The following ARHGEF3 variants were observed in gnomAD, a reference collection of about 807,000 sequenced individuals.
The protein encoded by ARHGEF3 is 59.8 kDA protein.
Under a neutral mutation model 63.2 loss-of-function variants are expected in ARHGEF3, and 28 were observed. The ratio of observed to expected loss-of-function variants is 0.44; its 90% CI spans 0.33 to 0.61. The LOEUF (loss-of-function observed/expected upper bound fraction) is 0.61, where lower values mean the gene tolerates loss of function less well. Ranked by LOEUF, ARHGEF3 falls within the 20% of genes least tolerant of loss-of-function variation. ARHGEF3 has a pLI of 0.03. For missense variants in ARHGEF3, 533 were observed against 659.3 expected (o/e 0.81, Z 2.10); for synonymous variants, 266 against 254.2 (o/e 1.05, Z -0.44).
At chr3:56,944,248 G>A (rs1347015822) in intron 3 of ARHGEF3, among the ~76,000 whole-genome samples, 1 of 152,126 alleles carries the variant, frequency 6.6e-6, no homozygotes, top group Non-Finnish European at 1.5e-5. Flanking sequence ...GTTTCCTCTG[G>A]TGGCTGTGGG....
At chr3:56,899,596 A>G (rs979481900) in intron 3 of ARHGEF3, among the ~76,000 whole-genome samples, 1 of 152,274 alleles carries the variant, frequency 6.6e-6, no homozygotes, top group African/African-American at 2.4e-5. Context: ...TCCATTAAAT[A>G]TAAATATGAA....
chr3:57,030,549 G>C (rs1703689573), intron 2 of ARHGEF3, among the ~76,000 whole-genome samples: 1 of 152,166 alleles, frequency 6.6e-6, no homozygotes, highest in Non-Finnish European at 1.5e-5. Context: ...TCCAGCATAA[G>C]TGAAGTCCTT....
At chr3:56,918,125 C>G (rs2042032145) in intron 3 of ARHGEF3, among the ~76,000 whole-genome samples, 1 of 152,148 alleles carries the variant, frequency 6.6e-6, no homozygotes, top group African/African-American at 2.4e-5. Flanking sequence ...AGGAAGGGTC[C>G]TAAATTTGAA....
chr3:56,779,532 G>A (rs562776104), intron 1 of ARHGEF3, among the ~76,000 whole-genome samples: 40 of 151,176 alleles, frequency 2.6e-4, no homozygotes, highest in Non-Finnish European at 4.0e-4. Flanking sequence ...TCGCTCTGTC[G>A]CGCAGGCTGG....
At chr3:56,779,523 C>T (rs1248480022) in intron 1 of ARHGEF3, among the ~76,000 whole-genome samples, 5 of 151,624 alleles carry the variant, frequency 3.3e-5, no homozygotes, top group Non-Finnish European at 7.4e-5. Flanking sequence ...GACGGAGTCT[C>T]GCTCTGTCGC....
intron 4 of ARHGEF3, chr3:56,882,175 A>G (rs553125689): frequency 9.9e-7 from 1 of 1,009,488 alleles, no homozygotes; most frequent in African/African-American, 1.6e-5. Context: ...CCAGGTCACA[A>G]CTTCCATAGT....
At chr3:57,041,421 T>C (rs924240200) in intron 1 of ARHGEF3, among the ~76,000 whole-genome samples, 9 of 152,138 alleles carry the variant, frequency 5.9e-5, no homozygotes, top group Admixed American at 2.0e-4. Context: ...ACACACACCA[T>C]CTGATTCCAG....
intron 2 of ARHGEF3, among the ~76,000 whole-genome samples, chr3:56,769,303 C>A (rs1377422241): frequency 6.6e-6 from 1 of 152,226 alleles, no homozygotes; most frequent in African/African-American, 2.4e-5. Context: ...CTTCCTCACT[C>A]CACACCAGAG....
At chr3:56,940,259 G>C (rs1277957942) in intron 3 of ARHGEF3, 3 of 152,144 alleles carry the variant, frequency 2.0e-5, no homozygotes. Flanking sequence ...GCTAATTTGA[G>C]TTGAATTCCT....
intron 3 of ARHGEF3, among the ~76,000 whole-genome samples, chr3:56,911,602 C>A (rs991742035): frequency 2.6e-5 from 4 of 152,144 alleles, no homozygotes; most frequent in African/African-American, 9.7e-5. Flanking sequence ...TTTTTAGGAT[C>A]TAGTTTGAAT....
intron 4 of ARHGEF3, among the ~76,000 whole-genome samples, chr3:56,850,063 C>T (rs1049823658): frequency 1.2e-4 from 19 of 152,066 alleles, no homozygotes; most frequent in Non-Finnish European, 1.2e-4. Context: ...ACCAGTAACA[C>T]ACAGCCCGAG....
chr3:57,034,656 C>CTTTTT (rs34696155), intron 2 of ARHGEF3, among the ~76,000 whole-genome samples: 28 of 109,510 alleles, frequency 2.6e-4, no homozygotes, highest in African/African-American at 9.1e-4. Flanking sequence ...ACTCCAAATT[C>CTTTTT]TTTTTTTTTT....
intron 4 of ARHGEF3, among the ~76,000 whole-genome samples, chr3:56,824,348 T>C (rs1370654938): frequency 1.3e-5 from 2 of 152,208 alleles, no homozygotes; most frequent in Non-Finnish European, 2.9e-5. Context: ...GTAATAGTAA[T>C]CATAAATGGT....
intron 2 of ARHGEF3, among the ~76,000 whole-genome samples, chr3:56,996,735 C>T (rs1319455275): frequency 6.6e-6 from 1 of 152,150 alleles, no homozygotes; most frequent in Non-Finnish European, 1.5e-5. Flanking sequence ...GTATCTCTTA[C>T]AGAATAAAAT....
At chr3:56,818,821 T>C (rs1386362801) in intron 4 of ARHGEF3, among the ~76,000 whole-genome samples, 2 of 152,210 alleles carry the variant, frequency 1.3e-5, no homozygotes, top group Non-Finnish European at 2.9e-5. Flanking sequence ...CCCAGGGTCG[T>C]GGCAAATATT....
At chr3:57,047,516 G>A (rs528781725) in intron 1 of ARHGEF3, among the ~76,000 whole-genome samples, 2 of 152,164 alleles carry the variant, frequency 1.3e-5, no homozygotes, top group African/African-American at 4.8e-5. Context: ...CAACTAGAAA[G>A]CAGGGGTCGT....
chr3:57,002,409 G>T (rs2107031184), intron 2 of ARHGEF3, among the ~76,000 whole-genome samples: 1 of 93,196 alleles, frequency 1.1e-5, no homozygotes, highest in Non-Finnish European at 2.2e-5. Flanking sequence ...TATATGCCAG[G>T]CACTGTTCTA....
chr3:56,796,189 C>T (rs537369841), intron 1 of ARHGEF3, among the ~76,000 whole-genome samples: 8 of 152,292 alleles, frequency 5.3e-5, no homozygotes, highest in African/African-American at 1.9e-4. Flanking sequence ...ATAACAATTA[C>T]ATTTACACAG....
chr3:57,052,788 T>A (rs998916922), intron 1 of ARHGEF3, among the ~76,000 whole-genome samples: 2 of 152,028 alleles, frequency 1.3e-5, no homozygotes, highest in African/African-American at 4.8e-5. Context: ...TCGAAGTGCG[T>A]CCTTCTCCTG....
Sources: gnomAD v4.1 joint callset for allele counts (sites outside exome capture counted in the v4.1 genomes callset) on GRCh38, gnomAD v4.1.1 for gene constraint, MANE v1.5 for transcripts, NCBI Gene and HGNC (gene_info 2026-07-23, HGNC 2026-07-21) for gene names.